TRIM24: variants seen among roughly 807,000 people sequenced by gnomAD.
TRIM24 encodes the protein tripartite motif containing 24, also known as transcription intermediary factor 1-alpha.
A neutral mutation model predicts 123.9 loss-of-function variants in TRIM24; 29 were observed. The ratio of observed to expected loss-of-function variants is 0.23; its 90% CI spans 0.17 to 0.32. The LOEUF is 0.32. Among genes scored for constraint, TRIM24 ranks in the 10% least tolerant of loss-of-function variants. The pLI is 1.00. For missense variants in TRIM24, 932 were observed against 1,295.3 expected, an observed-to-expected ratio of 0.72 and a Z score of 4.31; for synonymous variants, 456 against 461.1, an observed-to-expected ratio of 0.99 and a Z score of 0.14.
intron 15 of TRIM24, 104 bp downstream of exon 15, chr7:138,579,636 A>G (rs1797851393): frequency 1.1e-6 from 1 of 904,410 alleles, no homozygotes; most frequent in African/African-American, 1.7e-5. Context: ...ACTTGGCACA[A>G]GTGTATACTC....
chr7:138,552,563 TG>T (rs1274037057), intron 8 of TRIM24, among the ~76,000 whole-genome samples: 6 of 152,038 alleles, frequency 3.9e-5, no homozygotes, highest in African/African-American at 1.2e-4. Flanking sequence ...GGTGGGGGGT[TG>T]GGGGGTGCTC....
chr7:138,569,877 T>C (rs1251206449), intron 10 of TRIM24, among the ~76,000 whole-genome samples: 1 of 152,102 alleles, frequency 6.6e-6, no homozygotes, highest in Non-Finnish European at 1.5e-5. Context: ...AAGAATTATA[T>C]AGGGAACATT....
Position 138,538,666 on chromosome 7 carries a change from A to G in TRIM24, c.1006A>G (p.Lys336Glu). The change falls in exon 7 of 19, where the codon AAG (lysine) becomes GAG (glutamate). Residue 336 changes from lysine (K) to glutamate (E), a missense_variant. This residue lies in a region of TRIM24 where 527 missense variants were observed against 691.3 expected (regional missense o/e 0.76). Transcript: ENST00000343526. ...ALLHQLESLA[K>E]DHRMKLMQQQ... ...ATTTTCTTGTTTTCAGAGCCTTGCAAAGGACCATCGCATGAAACTTATGCA... is the reference window on the plus strand; with the variant it reads ...ATTTTCTTGTTTTCAGAGCCTTGCAGAGGACCATCGCATGAAACTTATGCA... The G allele has an allele frequency of 6.2e-7, 1 of 1,614,080 alleles. No individual in the cohort carries two copies. The highest frequency in any genetic ancestry group is 8.5e-7 in the Non-Finnish European group (1 of 1,179,970).
At position 138,586,421 on chromosome 7, in the gene TRIM24, A is replaced by G. The variant is rs1798020236; in HGVS notation, c.*1470A>G. On this transcript the variant is annotated 3_prime_UTR_variant, in exon 19 of 19. Transcript: ENST00000343526. ...TTTTATCTACATGGCTTTACTTCTT[A>G]AAGTGGAAAATATCCTGTGGCTAAT... 6.5e-6 allele frequency: 1 copy of G among 153,444 alleles called. No individual in the cohort carries two copies. Among genetic ancestry groups the G allele is most frequent in the African/African-American group, 2.4e-5 (1 of 41,454 alleles). 9.5% of individuals were successfully genotyped at this position (153,444 alleles called of 1,614,324 possible).
intron 15 of TRIM24, 113 bp from the exon 16 acceptor site, chr7:138,580,449 C>A: frequency 7.4e-7 from 1 of 1,349,528 alleles, no homozygotes; most frequent in Non-Finnish European, 1.0e-6. Context: ...GATTAAAATT[C>A]ATGCCAAATG....
At chr7:138,562,925 G>T (rs1471281164) in intron 9 of TRIM24, among the ~76,000 whole-genome samples, 1 of 152,162 alleles carries the variant, frequency 6.6e-6, no homozygotes, top group Non-Finnish European at 1.5e-5. Flanking sequence ...TCTCTCCCCA[G>T]CAGGGGAACT....
At chr7:138,472,290 TAA>T (rs201465433) in intron 1 of TRIM24, among the ~76,000 whole-genome samples, 1 of 137,886 alleles carries the variant, frequency 7.3e-6, no homozygotes, top group African/African-American at 2.7e-5. Context: ...ACTGAATTTA[TAA>T]AAAAAAAAAA....
At chr7:138,527,988 G>A (rs575686363) in intron 5 of TRIM24, among the ~76,000 whole-genome samples, 1 of 152,178 alleles carries the variant, frequency 6.6e-6, no homozygotes, top group African/African-American at 2.4e-5. Context: ...TTACAGTGGC[G>A]TGAAGCATAG....
chr7:138,578,532 TTGTGTG>T (rs142839380), intron 14 of TRIM24, among the ~76,000 whole-genome samples: 148 of 146,810 alleles, frequency 1.0e-3, no homozygotes, highest in Middle Eastern at 6.9e-3. Flanking sequence ...GGTGGTGGTT[TTGTGTG>T]TGTGTGTGTG....
intron 12 of TRIM24, among the ~76,000 whole-genome samples, chr7:138,574,515 A>G (rs1418304110): frequency 6.6e-6 from 1 of 152,248 alleles, no homozygotes; most frequent in African/African-American, 2.4e-5. Context: ...AGGACATGAT[A>G]AGTAGATAAT....
At chr7:138,478,719 A>C (rs1279929638) in intron 1 of TRIM24, among the ~76,000 whole-genome samples, 1 of 152,178 alleles carries the variant, frequency 6.6e-6, no homozygotes, top group Non-Finnish European at 1.5e-5. Flanking sequence ...GCTCCAAAGA[A>C]GGGGCAGGAG....
chr7:138,490,059 C>CT (rs1367661054), intron 1 of TRIM24, among the ~76,000 whole-genome samples: 3 of 152,118 alleles, frequency 2.0e-5, no homozygotes, highest in African/African-American at 4.8e-5. Context: ...TCTTTTTACT[C>CT]TTTTTTCTCT....
intron 7 of TRIM24, among the ~76,000 whole-genome samples, chr7:138,547,121 T>A (rs1797117498): frequency 6.6e-6 from 1 of 152,230 alleles, no homozygotes; most frequent in African/African-American, 2.4e-5. Context: ...GGAAATCCTG[T>A]CATTTGCAAC....
intron 2 of TRIM24, chr7:138,514,930 A>T (rs1796365493): frequency 3.7e-6 from 1 of 267,974 alleles, no homozygotes; most frequent in African/African-American, 2.1e-5. Context: ...GCTTTTCCTG[A>T]CTGTTCTGTT....
At chr7:138,562,673 A>C (rs1170401329) in intron 9 of TRIM24, among the ~76,000 whole-genome samples, 1 of 152,166 alleles carries the variant, frequency 6.6e-6, no homozygotes, top group Non-Finnish European at 1.5e-5. Flanking sequence ...ACTGGCATCT[A>C]ATCTTTAGCC....
chr7:138,544,287 C>T (rs1268136571), intron 7 of TRIM24, among the ~76,000 whole-genome samples: 1 of 152,182 alleles, frequency 6.6e-6, no homozygotes, highest in Admixed American at 6.5e-5. Flanking sequence ...ATTTCTGGAT[C>T]TGGCTTATTT....
At chr7:138,524,400 TGA>T (rs1241756896) in intron 4 of TRIM24, among the ~76,000 whole-genome samples, 1 of 152,144 alleles carries the variant, frequency 6.6e-6, no homozygotes, top group Non-Finnish European at 1.5e-5. Flanking sequence ...AAAAAAAACT[TGA>T]GTTGCCTATA....
chr7:138,554,560 C>A lies in TRIM24; in HGVS notation c.1262-138C>A. 1.3e-6 allele frequency: 1 copy of A among 789,964 alleles called. No individual in the cohort carries two copies. Among genetic ancestry groups the A allele is most frequent in the Non-Finnish European group, 2.0e-6 (1 of 507,768 alleles). The allele number at this position is 789,964 out of a possible 1,614,324, so 48.9% of individuals were successfully genotyped here. On this transcript the variant is annotated intron_variant, in intron 8 of 18. Coordinates refer to ENST00000343526, the MANE Select transcript of TRIM24 (RefSeq NM_015905.3). The surrounding 1 kb of genome is among the most constrained non-coding windows in gnomAD (Gnocchi z 4.5). ...TGAACAAAAGCTGTTTGGGGGTTCTCTTTCAGAGTGTTAAAGGGCTCATGA... is the reference window on the plus strand; with the variant it reads ...TGAACAAAAGCTGTTTGGGGGTTCTATTTCAGAGTGTTAAAGGGCTCATGA...
chr7:138,557,519 G>A (rs1333194996), intron 9 of TRIM24, among the ~76,000 whole-genome samples: 1 of 152,126 alleles, frequency 6.6e-6, no homozygotes, highest in Non-Finnish European at 1.5e-5. Flanking sequence ...GTATGGCCAG[G>A]ACTATTCCTA....
Sources: gnomAD v4.1 joint callset for allele counts (sites outside exome capture counted in the v4.1 genomes callset) on GRCh38, gnomAD v4.1.1 for gene constraint, gnomAD v4.1.1 regional missense constraint, Gnocchi (gnomAD v3.1) non-coding constraint, MANE v1.5 for transcripts, NCBI Gene and HGNC (gene_info 2026-07-23, HGNC 2026-07-21) for gene names.